The following FBXL7 variants were observed in gnomAD, a reference collection of about 807,000 sequenced individuals.
FBXL7 encodes the protein F-box/LRR-repeat protein 7.
Under a neutral mutation model 38.3 loss-of-function variants are expected in FBXL7, and 12 were observed. The observed-to-expected ratio is 0.31, with a 90% CI of 0.20 to 0.51. The LOEUF is 0.51. Ranked by LOEUF, FBXL7 falls within the 20% of genes least tolerant of loss-of-function variation. The probability of loss-of-function intolerance (pLI) is 0.98; values close to 1 mark genes in which losing one functional copy is unlikely to be tolerated. For missense variants in FBXL7, 567 were observed against 676.4 expected (o/e 0.84, Z 1.79); for synonymous variants, 297 against 300.9 (o/e 0.99, Z 0.13).
chr5:15,881,906 G>A (rs925148004), intron 2 of FBXL7, among the ~76,000 whole-genome samples: 2 of 152,124 alleles, frequency 1.3e-5, no homozygotes, highest in Non-Finnish European at 2.9e-5. Flanking sequence ...GGTTCTTCAG[G>A]CTATATAGGA....
Position 15,789,861 on chromosome 5 carries a change from T to C in FBXL7, c.128-138029T>C, listed in dbSNP as rs565761746. ...TGAATTGCTTCCCTGGGCTGATGAC[T>C]CACCTCTCAACGAAGGCCTTCTAAA... On this transcript the variant is annotated intron_variant, in intron 2 of 3. Coordinates refer to ENST00000504595, the MANE Select transcript of FBXL7 (RefSeq NM_012304.5). Among the ~76,000 whole-genome samples, 6 of 152,264 alleles carry C rather than the reference T, an allele frequency of 3.9e-5. No individual in the cohort carries two copies. In the South Asian group the frequency reaches 1.2e-3, roughly 32 times the overall value.
At chr5:15,701,258 A>C (rs1743513712) in intron 2 of FBXL7, among the ~76,000 whole-genome samples, 1 of 152,202 alleles carries the variant, frequency 6.6e-6, no homozygotes, top group Admixed American at 6.5e-5. Flanking sequence ...GTTACGAAAA[A>C]GAAGCAAGAG....
chr5:15,638,521 T>G (rs1254086175), intron 2 of FBXL7, among the ~76,000 whole-genome samples: 9 of 152,132 alleles, frequency 5.9e-5, no homozygotes, highest in Non-Finnish European at 2.9e-5. Flanking sequence ...AAATTGAGGT[T>G]TGAGATGTGC....
At chr5:15,691,933 G>T (rs1272180490) in intron 2 of FBXL7, among the ~76,000 whole-genome samples, 1 of 152,168 alleles carries the variant, frequency 6.6e-6, no homozygotes, top group African/African-American at 2.4e-5. Flanking sequence ...ATGAGAGGTG[G>T]CTGGTTTAGG....
chr5:15,806,162 TAACTC>T (rs1554022796), intron 2 of FBXL7, among the ~76,000 whole-genome samples: 4 of 152,174 alleles, frequency 2.6e-5, no homozygotes, highest in Non-Finnish European at 5.9e-5. Context: ...ATTTAAAACT[TAACTC>T]TTTTGTTACA....
intron 2 of FBXL7, among the ~76,000 whole-genome samples, chr5:15,702,735 C>T (rs964120439): frequency 6.6e-6 from 1 of 152,140 alleles, no homozygotes; most frequent in Non-Finnish European, 1.5e-5. Context: ...AAAATACTTT[C>T]TTTCATGCGC....
chr5:15,664,286 G>A (rs1034623003), intron 2 of FBXL7, among the ~76,000 whole-genome samples: 12 of 151,980 alleles, frequency 7.9e-5, no homozygotes, highest in Non-Finnish European at 1.3e-4. Flanking sequence ...TTATGTGGTC[G>A]TGTATTTTAT....
At chr5:15,651,146 G>GAGTGC (rs1554012247) in intron 2 of FBXL7, among the ~76,000 whole-genome samples, 1 of 149,666 alleles carries the variant, frequency 6.7e-6, no homozygotes, top group Non-Finnish European at 1.5e-5. Flanking sequence ...GCCCAGGCTG[G>GAGTGC]AGTGCAGTGG....
intron 2 of FBXL7, among the ~76,000 whole-genome samples, chr5:15,729,029 G>A (rs1735501477): frequency 6.6e-6 from 1 of 152,110 alleles, no homozygotes; most frequent in Non-Finnish European, 1.5e-5. Flanking sequence ...GCACTGCAAT[G>A]TTTAATGCAT....
At chr5:15,516,542 C>G (rs970421954) in intron 1 of FBXL7, among the ~76,000 whole-genome samples, 5 of 152,210 alleles carry the variant, frequency 3.3e-5, no homozygotes, top group Non-Finnish European at 7.4e-5. Context: ...ATCCATGTAC[C>G]AGAGTCTATT....
chr5:15,819,235 G>A (rs570114927), intron 2 of FBXL7, among the ~76,000 whole-genome samples: 2 of 152,168 alleles, frequency 1.3e-5, no homozygotes, highest in East Asian at 3.9e-4. Context: ...GAGTTGGCCC[G>A]CAAGCCTTCA....
intron 1 of FBXL7, among the ~76,000 whole-genome samples, chr5:15,600,245 T>A (rs1428824046): frequency 6.6e-6 from 1 of 152,182 alleles, no homozygotes; most frequent in Non-Finnish European, 1.5e-5. Flanking sequence ...CAGGAAGGAA[T>A]GCTGGTGGAT....
chr5:15,765,116 C>G (rs1736550930), intron 2 of FBXL7, among the ~76,000 whole-genome samples: 1 of 152,008 alleles, frequency 6.6e-6, no homozygotes, highest in Non-Finnish European at 1.5e-5. Flanking sequence ...TCTCTAACAC[C>G]AATTTTTCAA....
At chr5:15,633,443 T>G (rs1327036694) in intron 2 of FBXL7, among the ~76,000 whole-genome samples, 1 of 152,166 alleles carries the variant, frequency 6.6e-6, no homozygotes, top group East Asian at 1.9e-4. Flanking sequence ...AGCAGTCACT[T>G]GCTTTCATTC....
chr5:15,510,551 G>T (rs558804856), intron 1 of FBXL7, among the ~76,000 whole-genome samples: 7 of 152,286 alleles, frequency 4.6e-5, no homozygotes, highest in African/African-American at 1.7e-4. Context: ...GCAGCTGAGG[G>T]AGGGGAGGAA....
Position 15,778,137 on chromosome 5 carries a change from C to T in FBXL7, c.128-149753C>T, listed in dbSNP as rs368488809. Among the ~76,000 whole-genome samples, 198 of 152,080 alleles carry T rather than the reference C, an allele frequency of 1.3e-3. 5 individuals carry two copies. The South Asian group carries it at 0.04, about 31-fold the overall frequency. ...AAGACATCATGGTATAAAGTAAATT[C>T]GTGGGTATCTAAGATGCTCAGAAAA... On this transcript the variant is annotated intron_variant, in intron 2 of 3. Coordinates refer to ENST00000504595, the MANE Select transcript of FBXL7 (RefSeq NM_012304.5).
chr5:15,725,446 A>T (rs1744319218), intron 2 of FBXL7, among the ~76,000 whole-genome samples: 1 of 151,814 alleles, frequency 6.6e-6, no homozygotes, highest in Non-Finnish European at 1.5e-5. Flanking sequence ...TTCACTTTTC[A>T]TTTATAGAAT....
chr5:15,832,368 C>T (rs1738480467), intron 2 of FBXL7, among the ~76,000 whole-genome samples: 1 of 152,150 alleles, frequency 6.6e-6, no homozygotes, highest in South Asian at 2.1e-4. Flanking sequence ...ATGACACTCA[C>T]TAGGGAATAA....
chr5:15,659,048 C>G (rs899710612), intron 2 of FBXL7, among the ~76,000 whole-genome samples: 3 of 152,122 alleles, frequency 2.0e-5, no homozygotes, highest in African/African-American at 7.2e-5. Flanking sequence ...CTGAGGCTTC[C>G]CAAGTCATGC....
Sources: gnomAD v4.1 joint callset for allele counts (sites outside exome capture counted in the v4.1 genomes callset) on GRCh38, gnomAD v4.1.1 for gene constraint, MANE v1.5 for transcripts, NCBI Gene and HGNC (gene_info 2026-07-23, HGNC 2026-07-21) for gene names.